Variants in DNAH11 observed in about 807,000 individuals in gnomAD.
The protein encoded by DNAH11 is axonemal beta dynein heavy chain 11.
In DNAH11, 442 loss-of-function variants were observed where a neutral mutation model predicts 526.0. The observed-to-expected ratio is 0.84, with a 90% CI of 0.78 to 0.91. The LOEUF is 0.91. Ranked by LOEUF, DNAH11 falls within the 40% of genes least tolerant of loss-of-function variation. DNAH11 has a pLI of 0.00. For missense variants in DNAH11, 6,989 were observed against 5,448.7 expected, an observed-to-expected ratio of 1.28 and a Z score of -8.90; for synonymous variants, 2,461 against 1,935.9, an observed-to-expected ratio of 1.27 and a Z score of -7.12.
At chr7:21,892,025 A>G (rs1268082682) in intron 76 of DNAH11, among the ~76,000 whole-genome samples, 1 of 152,202 alleles carries the variant, frequency 6.6e-6, no homozygotes, top group Non-Finnish European at 1.5e-5. Context: ...TATGATTAAA[A>G]TCAAATGTCT....
intron 25 of DNAH11, among the ~76,000 whole-genome samples, chr7:21,629,922 G>A (rs1040095576): frequency 2.6e-5 from 4 of 152,036 alleles, no homozygotes; most frequent in African/African-American, 9.7e-5. Context: ...TATGGTGAGT[G>A]TTGTTATTAA....
intron 28 of DNAH11, among the ~76,000 whole-genome samples, chr7:21,652,215 G>C (rs1460819017): frequency 6.6e-6 from 1 of 152,130 alleles, no homozygotes; most frequent in East Asian, 1.9e-4. Context: ...CAGTGGTTTT[G>C]ACAAAAAGAA....
chr7:21,871,016 T>C (rs768033263), intron 73 of DNAH11, among the ~76,000 whole-genome samples: 17 of 152,254 alleles, frequency 1.1e-4, no homozygotes, highest in Non-Finnish European at 7.3e-5. Flanking sequence ...GTTATACTGT[T>C]CATAATTTAC....
rs764484007 is a variant in DNAH11, at chr7:21,558,831, C to A, written c.525C>A (p.Asn175Lys). 1 of 1,592,638 alleles carries A rather than the reference C, an allele frequency of 6.3e-7. No homozygotes were observed. ...EILVPVLSNK[N>K]NHKSWSCFTS... ...TAGTGCCAGTTCTTTCTAATAAGAA[C>A]AACCATAAGTCCTGGTCCTGTTTTA... The change falls in exon 3 of 82, where the codon AAC becomes AAA. Residue 175 changes from asparagine to lysine, a missense_variant. Coordinates refer to ENST00000409508, the MANE Select transcript of DNAH11 (RefSeq NM_001277115.2).
intron 30 of DNAH11, among the ~76,000 whole-genome samples, chr7:21,674,686 A>G (rs1782796847): frequency 6.6e-6 from 1 of 151,566 alleles, no homozygotes; most frequent in African/African-American, 2.4e-5. Flanking sequence ...GACTGATTTC[A>G]TCCACTTTTA....
chr7:21,687,367 C>T lies in DNAH11; in HGVS notation c.5779-15C>T, dbSNP rs774103962. Reference sequence around the variant, plus strand: ...CCCTTCTGTTAAATTCTGAGTGCCTCACTTTATCATTTAGTCCATAGGCAA... The same window carrying T: ...CCCTTCTGTTAAATTCTGAGTGCCTTACTTTATCATTTAGTCCATAGGCAA... On this transcript the variant is annotated splice_polypyrimidine_tract_variant and intron_variant, in intron 33 of 81. Coordinates refer to ENST00000409508, the MANE Select transcript of DNAH11 (RefSeq NM_001277115.2). The T allele has an allele frequency of 4.4e-5, 70 of 1,595,610 alleles. No homozygotes were observed. Among genetic ancestry groups the T allele is most frequent in the Middle Eastern group, 1.7e-4 (1 of 5,950 alleles).
chr7:21,883,345 GTA>G (rs1321664571), intron 75 of DNAH11, among the ~76,000 whole-genome samples: 1 of 152,202 alleles, frequency 6.6e-6, no homozygotes, highest in Non-Finnish European at 1.5e-5. Flanking sequence ...AGAAGCTAAA[GTA>G]TAGCAAAGAG....
At chr7:21,759,199 A>G (rs1269247467) in intron 54 of DNAH11, among the ~76,000 whole-genome samples, 4 of 152,084 alleles carry the variant, frequency 2.6e-5, no homozygotes, top group South Asian at 2.1e-4. Flanking sequence ...TCCACACACA[A>G]TTTTCTTCTT....
intron 61 of DNAH11, among the ~76,000 whole-genome samples, chr7:21,795,502 A>G (rs1426538032): frequency 6.6e-6 from 1 of 152,218 alleles, no homozygotes; most frequent in Non-Finnish European, 1.5e-5. Flanking sequence ...CTTCCACACT[A>G]TGAGCTCCTT....
Position 21,586,861 on chromosome 7 carries a change from T to G in DNAH11, c.1711-1203T>G, listed in dbSNP as rs1469710675. Among the ~76,000 whole-genome samples the G allele has an allele frequency of 5.3e-5, 8 of 152,314 alleles. No individual in the cohort carries two copies. In the East Asian group the frequency reaches 5.8e-4, roughly 11 times the overall value. ...GATCAGATAACAAAATGACATAACT[T>G]TCAATGGCGTATTAGCTGATGAGAA... On this transcript the variant is annotated intron_variant, in intron 9 of 81. Transcript: ENST00000409508.
At chr7:21,789,809 T>TTTCTTTCTTTCTTTCTTTC (rs1788375787) in intron 61 of DNAH11, among the ~76,000 whole-genome samples, 26 of 19,490 alleles carry the variant, frequency 1.3e-3, no homozygotes, top group African/African-American at 3.5e-3. Flanking sequence ...TTCTTTCTTT[T>TTTCTTTCTTTCTTTCTTTC]TTCTTTCTTT....
chr7:21,809,139 T>C (rs1019138629), intron 63 of DNAH11, among the ~76,000 whole-genome samples: 10 of 152,354 alleles, frequency 6.6e-5, no homozygotes, highest in Admixed American at 3.9e-4. Flanking sequence ...TCGGTGATGT[T>C]GAGCATTTTT....
At chr7:21,574,583 A>G (rs1181543017) in intron 8 of DNAH11, among the ~76,000 whole-genome samples, 1 of 105,278 alleles carries the variant, frequency 9.5e-6, no homozygotes, top group African/African-American at 4.6e-5. Context: ...TTTTTTTTTA[A>G]GACAGAGTCT....
rs748425990 is a variant in DNAH11 at position 21,807,888 on chromosome 7, A to T, written c.10171A>T (p.Ile3391Phe). The T allele has an allele frequency of 7.5e-6, 12 of 1,592,460 alleles. No homozygotes were observed. The Admixed American group carries it at 1.5e-4, about 20-fold the overall frequency. Residue 3391 changes from isoleucine (I) to phenylalanine (F), a missense_variant, in exon 63 of 82, where the codon ATT (isoleucine) becomes TTT (phenylalanine). Physicochemically the swap from Ile to Phe is conservative, Grantham distance 21. Transcript: ENST00000409508. Reference protein sequence around the residue: ...RLVKELEAKKIRWGQSIKSFE... With the variant: ...RLVKELEAKKFRWGQSIKSFE... Reference sequence around the variant, plus strand: ...TAATTTCATCTTTCAGTCAGAGAAGATTCGCTGGGGTCAATCCATTAAGTC... The same window carrying T: ...TAATTTCATCTTTCAGTCAGAGAAGTTTCGCTGGGGTCAATCCATTAAGTC...
intron 9 of DNAH11, among the ~76,000 whole-genome samples, chr7:21,583,869 C>T (rs147979781): frequency 2.1e-3 from 321 of 152,184 alleles, no homozygotes; most frequent in African/African-American, 7.0e-3. Context: ...AAATCAAAAC[C>T]GTAATGACAT....
At chr7:21,559,854 C>A in intron 4 of DNAH11, 62 bp downstream of exon 4, 6 of 1,355,072 alleles carry the variant, frequency 4.4e-6, no homozygotes, top group Non-Finnish European at 6.1e-6. Flanking sequence ...CTGCAATGAC[C>A]AATAGTTTTA....
intron 45 of DNAH11, among the ~76,000 whole-genome samples, chr7:21,733,963 T>C (rs1785496856): frequency 1.3e-5 from 2 of 152,154 alleles, no homozygotes; most frequent in Non-Finnish European, 2.9e-5. Context: ...TTGGGAACAT[T>C]GGACTTTGAA....
At chr7:21,607,936 C>CAAAAAAAAAAAAAAAAAAAAAAAAAAAA (rs34293535) in intron 20 of DNAH11, among the ~76,000 whole-genome samples, 1 of 68,628 alleles carries the variant, frequency 1.5e-5, no homozygotes, top group Non-Finnish European at 2.5e-5. Context: ...GACTTCATCT[C>CAAAAAAAAAAAAAAAAAAAAAAAAAAAA]AAAAAAAAAA....
intron 49 of DNAH11, 126 bp downstream of exon 49, chr7:21,742,292 T>G (rs981418011): frequency 1.7e-6 from 2 of 1,149,568 alleles, no homozygotes; most frequent in African/African-American, 3.1e-5. Flanking sequence ...GAAAAGAGGT[T>G]TAATTGGCTT....
Sources: gnomAD v4.1 joint callset for allele counts (sites outside exome capture counted in the v4.1 genomes callset) on GRCh38, gnomAD v4.1.1 for gene constraint, MANE v1.5 for transcripts, NCBI Gene and HGNC (gene_info 2026-07-23, HGNC 2026-07-21) for gene names.